The following AOX1 variants were observed in gnomAD, a reference collection of about 807,000 sequenced individuals.
The protein encoded by AOX1 is aldehyde oxidase 1, also known as aldehyde oxidase.
In AOX1, 153 loss-of-function variants were observed where a neutral mutation model predicts 169.5. The observed-to-expected ratio is 0.90, with a 90% confidence interval of 0.79 to 1.03. The LOEUF (loss-of-function observed/expected upper bound fraction) is 1.03. AOX1 is among the 50% of genes least tolerant of loss of function. The pLI is 0.00. For missense variants in AOX1, 1,656 were observed against 1,663.9 expected, an observed-to-expected ratio of 1.00 and a Z score of 0.08; for synonymous variants, 562 against 581.9, an observed-to-expected ratio of 0.97 and a Z score of 0.49.
intron 26 of AOX1, among the ~76,000 whole-genome samples, chr2:200,654,720 ATTTG>A (rs1233050542): frequency 1.3e-5 from 2 of 152,210 alleles, no homozygotes; most frequent in Non-Finnish European, 2.9e-5. Context: ...TACCAGTAGT[ATTTG>A]TTTGAAGATT....
intron 25 of AOX1, among the ~76,000 whole-genome samples, chr2:200,646,483 G>A (rs910727882): frequency 1.3e-5 from 2 of 152,128 alleles, no homozygotes; most frequent in African/African-American, 4.8e-5. Context: ...CCTATCATAT[G>A]ATCTATCTTG....
chr2:200,670,730 T>G lies in AOX1; in HGVS notation c.*51T>G. ...CAGAGTGCCTCTTCCCAGATGGCAA[T>G]CTGTCCTATCTCTGTGCTGGAAGAT... On this transcript the variant is annotated 3_prime_UTR_variant, in exon 35 of 35. Transcript: ENST00000374700. 7.0e-7 allele frequency: 1 copy of G among 1,418,974 alleles called. No individual in the cohort carries two copies. The highest frequency in any genetic ancestry group is 9.9e-7 in the Non-Finnish European group (1 of 1,005,692). 87.9% of individuals were successfully genotyped at this position (1,418,974 alleles called of 1,614,324 possible).
Position 200,612,627 on chromosome 2 carries a change from T to C in AOX1, c.1282T>C (p.Phe428Leu), listed in dbSNP as rs1205627889. 3 of 1,613,854 alleles carry C rather than the reference T, an allele frequency of 1.9e-6. No homozygotes were observed. The highest frequency in any genetic ancestry group is 2.5e-6 in the Non-Finnish European group (3 of 1,179,934). The change falls in exon 14 of 35, where the codon TTC becomes CTC. Residue 428 changes from phenylalanine to leucine, a missense_variant. Transcript: ENST00000374700. ...YSRKWEFVSAFRQAQRQENAL... is the reference protein window; with the variant it reads ...YSRKWEFVSALRQAQRQENAL... ...CTTTCAGTGGGAATTTGTGTCAGCC[T>C]TCCGACAAGCCCAGCGACAGGAGAA... is the stretch of plus-strand genomic sequence containing the variant.
chr2:200,595,133 CAT>C, intron 2 of AOX1, 137 bp from the exon 3 acceptor site: 1 of 476,516 alleles, frequency 2.1e-6, no homozygotes, highest in South Asian at 3.6e-5. Flanking sequence ...GTAATTAAGA[CAT>C]AAACACATTA....
At chr2:200,630,552 AAGGAAGGAAGGAAGGAAG>A (rs1409561517) in intron 20 of AOX1, among the ~76,000 whole-genome samples, 1 of 41,612 alleles carries the variant, frequency 2.4e-5, no homozygotes, top group African/African-American at 9.5e-5. Context: ...GGAAGGGAGG[AAGGAAGGAAGGAAGGAAG>A]GAAGGAAGGA....
At chr2:200,669,472 T>A (rs963049965) in intron 33 of AOX1, 103 bp from the exon 34 acceptor site, 1 of 1,287,154 alleles carries the variant, frequency 7.8e-7, no homozygotes, top group Non-Finnish European at 1.1e-6. Context: ...AATGTACATA[T>A]GTAGTACGTA....
intron 26 of AOX1, 106 bp from the exon 27 acceptor site, chr2:200,656,736 T>G: frequency 1.7e-5 from 13 of 754,868 alleles, no homozygotes; most frequent in South Asian, 1.3e-4. Context: ...CCCTGGGGGG[T>G]GCGGGATTCT....
In AOX1 at chr2:200,593,195, G is replaced by A. The variant is rs142145534; in HGVS notation, c.95G>A (p.Arg32Lys). ...DPETMLLPYL[R>K]KKLRLTGTKY... ...GAAACAATGCTGTTGCCTTATTTGA[G>A]GAAGAAGCGTATCCTTTTCTTTACT... is the stretch of plus-strand genomic sequence containing the variant. The change falls in exon 2 of 35, where the codon AGG (arginine) becomes AAG (lysine). Residue 32 changes from arginine (R) to lysine (K), a missense_variant. Coordinates refer to ENST00000374700, the MANE Select transcript of AOX1 (RefSeq NM_001159.4). 4.5e-5 allele frequency: 72 copies of A among 1,613,490 alleles called. No homozygotes were observed. The highest frequency in any genetic ancestry group is 5.8e-5 in the Non-Finnish European group (68 of 1,179,618).
At chr2:200,664,768 C>T (rs745685315) in intron 31 of AOX1, among the ~76,000 whole-genome samples, 4 of 152,228 alleles carry the variant, frequency 2.6e-5, no homozygotes, top group Non-Finnish European at 5.9e-5. Context: ...GCCCTTATTC[C>T]GGCAAAATTT....
chr2:200,595,062 G>T (rs2034253387), intron 2 of AOX1, among the ~76,000 whole-genome samples: 1 of 152,108 alleles, frequency 6.6e-6, no homozygotes, highest in Admixed American at 6.5e-5. Flanking sequence ...AAGGGAGAAT[G>T]CAAGATATAA....
chr2:200,641,048 G>A (rs780620053), intron 23 of AOX1, 50 bp from the exon 24 acceptor site: 1 of 1,390,088 alleles, frequency 7.2e-7, no homozygotes, highest in Non-Finnish European at 1.0e-6. Flanking sequence ...GACAAAATTT[G>A]GAGAGACTTG....
Position 200,634,828 on chromosome 2 carries a change from G to A in AOX1, c.2259G>A (p.Met753Ile), listed in dbSNP as rs1459430108. The change falls in exon 21 of 35, where the codon ATG becomes ATA. Residue 753 changes from methionine to isoleucine, a missense_variant. Met to Ile is a conservative substitution (Grantham distance 10). Transcript: ENST00000374700. Reference protein sequence around the residue: ...IHMGGQEHFYMETQSMLVVPK... With the variant: ...IHMGGQEHFYIETQSMLVVPK... ...TGGGAGGTCAAGAACATTTTTATAT[G>A]GAAACCCAAAGCATGCTTGTCGTTC... is the stretch of plus-strand genomic sequence containing the variant. The A allele has an allele frequency of 6.2e-7, 1 of 1,614,012 alleles. No individual in the cohort carries two copies. Among genetic ancestry groups the A allele is most frequent in the South Asian group, 1.1e-5 (1 of 91,082 alleles).
intron 27 of AOX1, among the ~76,000 whole-genome samples, chr2:200,658,788 C>T (rs2035746783): frequency 6.6e-6 from 1 of 152,180 alleles, no homozygotes; most frequent in African/African-American, 2.4e-5. Context: ...AGGAGATAGA[C>T]ATCTCCTATC....
At position 200,610,092 on chromosome 2, in the gene AOX1, A is replaced by G. The variant is rs550489951; in HGVS notation, c.1153+678A>G. 2.7e-5 allele frequency among the ~76,000 whole-genome samples: 4 copies of G among 149,484 alleles called. No homozygotes were observed. In the East Asian group the frequency reaches 5.9e-4, roughly 22 times the overall value. ...TAAAACTATCTTTTTTTTTTTTTGAAATGGAGTCTCGCTCTGTCACCCAGT... is the reference window on the plus strand; with the variant it reads ...TAAAACTATCTTTTTTTTTTTTTGAGATGGAGTCTCGCTCTGTCACCCAGT... On this transcript the variant is annotated intron_variant, in intron 12 of 34. Coordinates refer to ENST00000374700, the MANE Select transcript of AOX1 (RefSeq NM_001159.4).
intron 17 of AOX1, 88 bp from the exon 18 acceptor site, chr2:200,621,032 C>G: frequency 6.8e-7 from 1 of 1,470,118 alleles, no homozygotes; most frequent in Non-Finnish European, 9.2e-7. Context: ...TTGGACAGTT[C>G]TTACCTCTCT....
Position 200,604,761 on chromosome 2 carries a change from C to T in AOX1, c.735C>T (p.Ser245=). 2 of 1,613,956 alleles carry T rather than the reference C, an allele frequency of 1.2e-6. No homozygotes were observed. The highest frequency in any genetic ancestry group is 1.7e-6 in the Non-Finnish European group (2 of 1,179,962). ...VFGSERMMWF[S]PVTLKELLEF... Reference sequence around the variant, plus strand: ...GCAGTGAGAGAATGATGTGGTTTTCCCCCGTGACCCTGAAGGAACTGCTGG... The same window carrying T: ...GCAGTGAGAGAATGATGTGGTTTTCTCCCGTGACCCTGAAGGAACTGCTGG... The change falls in exon 9 of 35, where the codon TCC becomes TCT. Residue 245 remains serine, a synonymous_variant. Transcript: ENST00000374700.
downstream of AOX1, chr2:200,671,509 T>C (rs533651103): frequency 9.2e-5 from 14 of 152,342 alleles, no homozygotes; most frequent in African/African-American, 3.4e-4. Context: ...TTTGAGTAGA[T>C]GTATCTCCAA....
At chr2:200,587,344 C>T (rs575033372) in intron 1 of AOX1, among the ~76,000 whole-genome samples, 168 of 152,206 alleles carry the variant, frequency 1.1e-3, no homozygotes, top group Non-Finnish European at 1.8e-3. Flanking sequence ...ACCTGATTTC[C>T]CTGGTGCTCG....
At chr2:200,649,348 A>T (rs2035532410) in intron 25 of AOX1, among the ~76,000 whole-genome samples, 1 of 152,068 alleles carries the variant, frequency 6.6e-6, no homozygotes, top group Non-Finnish European at 1.5e-5. Flanking sequence ...GTAAAGTCGG[A>T]ATCTTCTCCT....
Sources: gnomAD v4.1 joint callset for allele counts (sites outside exome capture counted in the v4.1 genomes callset) on GRCh38, gnomAD v4.1.1 for gene constraint, MANE v1.5 for transcripts, NCBI Gene and HGNC (gene_info 2026-07-23, HGNC 2026-07-21) for gene names.